Variants in CSMD1 observed in about 807,000 individuals in gnomAD.
CSMD1 encodes CUB and sushi domain-containing protein 1.
A neutral mutation model predicts 417.5 loss-of-function variants in CSMD1; 213 were observed. That is an observed-to-expected ratio of 0.51 (90% CI 0.46 to 0.57). CSMD1 has a LOEUF of 0.57. Among genes scored for constraint, CSMD1 ranks in the 20% least tolerant of loss-of-function variants. The pLI is 0.00. For synonymous variants in CSMD1, 2,862 were observed against 1,736.8 expected, an observed-to-expected ratio of 1.65 and a Z score of -16.11; for missense variants, 6,923 against 4,529.7, an observed-to-expected ratio of 1.53 and a Z score of -15.17.
In CSMD1 at chr8:4,991,650, C is replaced by T. The variant is rs751432702; in HGVS notation, c.85+2682G>A. On this transcript the variant is annotated intron_variant, in intron 1 of 69. Coordinates refer to ENST00000635120, the MANE Select transcript of CSMD1 (RefSeq NM_033225.6). Reference sequence around the variant, plus strand: ...TGCTTGCAAGCGCCTCCGGTGGGCCCTGGAGCGCGCTGCCGAGCCCCGGGG... The same window carrying T: ...TGCTTGCAAGCGCCTCCGGTGGGCCTTGGAGCGCGCTGCCGAGCCCCGGGG... 3.3e-5 allele frequency among the ~76,000 whole-genome samples: 5 copies of T among 152,262 alleles called. No individual in the cohort carries two copies. The South Asian group carries it at 8.3e-4, about 25-fold the overall frequency.
At chr8:3,117,943 C>T (rs1160370435) in intron 42 of CSMD1, among the ~76,000 whole-genome samples, 1 of 152,190 alleles carries the variant, frequency 6.6e-6, no homozygotes, top group Non-Finnish European at 1.5e-5. Flanking sequence ...AAAATGAGCT[C>T]ATTTTTCTGA....
At chr8:3,541,537 A>G (rs1489648147) in intron 10 of CSMD1, among the ~76,000 whole-genome samples, 3 of 150,894 alleles carry the variant, frequency 2.0e-5, no homozygotes, top group African/African-American at 4.9e-5. Context: ...CAAAATAAAA[A>G]TTAAAAAAAT....
At chr8:4,041,973 A>T (rs1394556545) in intron 3 of CSMD1, among the ~76,000 whole-genome samples, 1 of 152,190 alleles carries the variant, frequency 6.6e-6, no homozygotes, top group African/African-American at 2.4e-5. Context: ...ATAAAAGAAA[A>T]AAGAAAGATT....
chr8:3,699,504 C>T (rs991749291), intron 7 of CSMD1, among the ~76,000 whole-genome samples: 1 of 152,230 alleles, frequency 6.6e-6, no homozygotes, highest in Non-Finnish European at 1.5e-5. Context: ...TGGCGCCTCA[C>T]ATGGCCCTGC....
At chr8:3,736,814 T>C (rs919015730) in intron 6 of CSMD1, among the ~76,000 whole-genome samples, 2 of 152,218 alleles carry the variant, frequency 1.3e-5, no homozygotes, top group Non-Finnish European at 2.9e-5. Flanking sequence ...AAATAGGCCC[T>C]GTTTTGTGAG....
At chr8:3,232,697 G>A (rs1024485918) in intron 26 of CSMD1, among the ~76,000 whole-genome samples, 9 of 151,960 alleles carry the variant, frequency 5.9e-5, no homozygotes, top group Non-Finnish European at 8.8e-5. Context: ...GTCTCCTTAT[G>A]TGCCCTGAAG....
At chr8:3,046,031 C>A (rs1202592952) in intron 50 of CSMD1, among the ~76,000 whole-genome samples, 1 of 152,138 alleles carries the variant, frequency 6.6e-6, no homozygotes, top group African/African-American at 2.4e-5. Context: ...AAGTCGGCCT[C>A]TTTATCATAC....
intron 41 of CSMD1, among the ~76,000 whole-genome samples, chr8:3,123,070 A>G (rs1817299272): frequency 6.6e-6 from 1 of 152,172 alleles, no homozygotes; most frequent in South Asian, 2.1e-4. Context: ...CTCATGATTG[A>G]TTGTTTTTGT....
chr8:3,397,309 T>C (rs568834985), intron 16 of CSMD1, among the ~76,000 whole-genome samples: 48 of 152,222 alleles, frequency 3.2e-4, no homozygotes, highest in African/African-American at 9.9e-4. Context: ...TGCTGATGAA[T>C]TGGGAGAAAA....
chr8:4,682,955 CATATATATATATATATATATATATAT>C (rs10566841), intron 1 of CSMD1, among the ~76,000 whole-genome samples: 1 of 118,490 alleles, frequency 8.4e-6, no homozygotes, highest in Non-Finnish European at 1.8e-5. Flanking sequence ...TAAGTATCTT[CATATATATATATATATATATATATAT>C]ATATATATAT....
intron 7 of CSMD1, among the ~76,000 whole-genome samples, chr8:3,693,317 A>G (rs988033709): frequency 1.3e-5 from 2 of 152,224 alleles, no homozygotes; most frequent in Non-Finnish European, 2.9e-5. Context: ...AAATATATAT[A>G]TGATAATTTT....
At chr8:3,078,970 G>GA (rs1813891560) in intron 49 of CSMD1, among the ~76,000 whole-genome samples, 2 of 152,012 alleles carry the variant, frequency 1.3e-5, no homozygotes, top group African/African-American at 2.4e-5. Context: ...CTTCAAAACG[G>GA]GGGGGAGCAC....
chr8:4,213,586 A>G (rs995897845), intron 3 of CSMD1, among the ~76,000 whole-genome samples: 1 of 152,250 alleles, frequency 6.6e-6, no homozygotes, highest in Non-Finnish European at 1.5e-5. Context: ...TTGCAACGTG[A>G]AAGAAAAATC....
In CSMD1 at chr8:4,725,748, T is replaced by G. The variant is rs144479765; in HGVS notation, c.86-88190A>C. On this transcript the variant is annotated intron_variant, in intron 1 of 69. Transcript: ENST00000635120. ...CAGAGAAACAATTTGCTGTGCTTAT[T>G]TAGTAGCTGGTACCTTGAGTTACAC... 3.9e-4 allele frequency among the ~76,000 whole-genome samples: 59 copies of G among 152,254 alleles called. No individual in the cohort carries two copies. In the East Asian group the frequency reaches 9.8e-3, roughly 25 times the overall value.
At chr8:4,924,927 C>T (rs1351693080) in intron 1 of CSMD1, among the ~76,000 whole-genome samples, 1 of 152,042 alleles carries the variant, frequency 6.6e-6, no homozygotes, top group African/African-American at 2.4e-5. Context: ...CTTCAAATCC[C>T]GTCTCTTTTT....
At chr8:4,955,740 G>A (rs941994998) in intron 1 of CSMD1, among the ~76,000 whole-genome samples, 1 of 143,904 alleles carries the variant, frequency 6.9e-6, no homozygotes, top group African/African-American at 2.5e-5. Flanking sequence ...ACAGGCGTGA[G>A]CCACCACGCC....
chr8:4,084,298 A>G (rs978330701), intron 3 of CSMD1, among the ~76,000 whole-genome samples: 10 of 149,054 alleles, frequency 6.7e-5, no homozygotes, highest in Non-Finnish European at 1.3e-4. Flanking sequence ...AACTTTTATG[A>G]AAAAAGTGAC....
At chr8:3,594,405 G>A (rs1475097814) in intron 8 of CSMD1, among the ~76,000 whole-genome samples, 1 of 151,862 alleles carries the variant, frequency 6.6e-6, no homozygotes, top group East Asian at 1.9e-4. Flanking sequence ...AAGATGCATA[G>A]AATGTATTTT....
At chr8:4,882,387 T>C (rs1803465552) in intron 1 of CSMD1, among the ~76,000 whole-genome samples, 1 of 150,912 alleles carries the variant, frequency 6.6e-6, no homozygotes, top group Non-Finnish European at 1.5e-5. Context: ...AATTGAAGAG[T>C]ATTGGGGAGC....
Sources: gnomAD v4.1 joint callset for allele counts (sites outside exome capture counted in the v4.1 genomes callset) on GRCh38, gnomAD v4.1.1 for gene constraint, MANE v1.5 for transcripts, NCBI Gene and HGNC (gene_info 2026-07-23, HGNC 2026-07-21) for gene names.